NOX5: variants seen among roughly 807,000 people sequenced by gnomAD.
NOX5 encodes NADPH oxidase, EF-hand calcium binding domain 5.
NOX5 carries 76 observed loss-of-function variants against 85.7 expected under a neutral mutation model. The ratio of observed to expected loss-of-function variants is 0.89; its 90% CI spans 0.74 to 1.07. NOX5 has a LOEUF of 1.07. Among genes scored for constraint, NOX5 ranks in the 50% least tolerant of loss-of-function variants. The pLI is 0.00. For missense variants in NOX5, 973 were observed against 999.5 expected, an observed-to-expected ratio of 0.97 and a Z score of 0.36; for synonymous variants, 405 against 401.4, an observed-to-expected ratio of 1.01 and a Z score of -0.11.
At chr15:69,036,936 G>A (rs751622963) in intron 7 of NOX5, 92 bp from the exon 8 acceptor site, 11 of 1,013,290 alleles carry the variant, frequency 1.1e-5, no homozygotes, top group Non-Finnish European at 1.7e-5. Flanking sequence ...TCTGAGCACT[G>A]CCCTGGCTTT....
intron 1 of NOX5, among the ~76,000 whole-genome samples, chr15:69,021,657 A>G (rs539451161): frequency 1.3e-5 from 2 of 152,302 alleles, no homozygotes; most frequent in East Asian, 3.9e-4. Flanking sequence ...TGGTCCATTC[A>G]GATTGTTACC....
At chr15:69,032,905 T>C in intron 4 of NOX5, 138 bp from the exon 5 acceptor site, 1 of 1,211,188 alleles carries the variant, frequency 8.3e-7, no homozygotes, top group Non-Finnish European at 1.1e-6. Context: ...CCACTTGACC[T>C]CTCTGTTTCC....
intron 2 of NOX5, among the ~76,000 whole-genome samples, chr15:69,027,532 G>T (rs967282852): frequency 6.6e-6 from 1 of 151,994 alleles, no homozygotes. Context: ...AGCTCCACAG[G>T]GTCCTCCCCC....
intron 10 of NOX5, among the ~76,000 whole-genome samples, chr15:69,045,598 C>CT (rs752367580): frequency 1.7e-4 from 18 of 108,182 alleles, no homozygotes; most frequent in South Asian, 1.5e-3. Context: ...TTCTTTCTTT[C>CT]TTTTTTTTTT....
At chr15:69,042,839 G>A in intron 10 of NOX5, 34 bp downstream of exon 10, 2 of 1,602,080 alleles carry the variant, frequency 1.2e-6, no homozygotes. Flanking sequence ...GGTCCACTCT[G>A]CTGGCAAGTC....
chr15:69,028,834 C>CT (rs11424976), intron 3 of NOX5: 67,925 of 146,360 alleles, frequency 0.46, 16,495 homozygotes, highest in Non-Finnish European at 0.56. Context: ...CGCCACACAC[C>CT]TTTTTTTTTT....
At chr15:69,044,045 G>A (rs754868634) in intron 10 of NOX5, among the ~76,000 whole-genome samples, 4 of 152,072 alleles carry the variant, frequency 2.6e-5, no homozygotes, top group Admixed American at 1.3e-4. Context: ...TTAGCCAGGC[G>A]TGGTGGTGCG....
Position 69,032,551 on chromosome 15 carries a change from T to C in NOX5, c.621-492T>C, listed in dbSNP as rs557103445. 2.0e-5 allele frequency among the ~76,000 whole-genome samples: 3 copies of C among 152,094 alleles called. No homozygotes were observed. The East Asian group carries it at 5.8e-4, about 30-fold the overall frequency. ...TCATCCTCCCGAGTAGCTGGTATTA[T>C]AGGTGCCAGCCACCACGCCCAGCTA... On this transcript the variant is annotated intron_variant, in intron 4 of 15. Coordinates refer to ENST00000388866, the MANE Select transcript of NOX5 (RefSeq NM_024505.4).
At chr15:69,050,804 G>A (rs71402295) in intron 14 of NOX5, among the ~76,000 whole-genome samples, 165 of 152,288 alleles carry the variant, frequency 1.1e-3, no homozygotes, top group Non-Finnish European at 1.8e-3. Context: ...GTCTAGAGCA[G>A]CCTTTAGTGC....
rs1567100650 is a variant in NOX5 at position 69,037,059 on chromosome 15, T to G, written c.1220T>G (p.Leu407Arg). The G allele has an allele frequency of 9.3e-6, 15 of 1,613,644 alleles. No homozygotes were observed. The highest frequency in any genetic ancestry group is 1.3e-5 in the Non-Finnish European group (15 of 1,179,894). The change falls in exon 8 of 16, where the codon CTC becomes CGC. Residue 407 changes from leucine (L) to arginine (R), a missense_variant. Physicochemically the swap from Leu to Arg is moderately radical, Grantham distance 102. Coordinates refer to ENST00000388866, the MANE Select transcript of NOX5 (RefSeq NM_024505.4). ...TATTGGACTCACCTGTCCTACCTCCTCGTGTGGCTTCTGCTCATCTTTCAT... is the reference window on the plus strand; with the variant it reads ...TATTGGACTCACCTGTCCTACCTCCGCGTGTGGCTTCTGCTCATCTTTCAT... ...VFYWTHLSYL[L>R]VWLLLIFHGP...
intron 1 of NOX5, chr15:69,023,423 CT>C: frequency 2.4e-6 from 1 of 414,928 alleles, no homozygotes; most frequent in South Asian, 2.0e-5. Context: ...CACAACCATA[CT>C]GAGGCTGATT....
intron 3 of NOX5, chr15:69,031,303 T>G: frequency 1.7e-6 from 1 of 576,628 alleles, no homozygotes; most frequent in Non-Finnish European, 3.1e-6. Flanking sequence ...ACTTAGGGAG[T>G]TACCGATTCT....
intron 10 of NOX5, among the ~76,000 whole-genome samples, chr15:69,045,498 C>T (rs1234515208): frequency 1.5e-5 from 2 of 132,716 alleles, no homozygotes; most frequent in African/African-American, 2.9e-5. Flanking sequence ...TCCTCCCTCC[C>T]TCCCTCTCCC....
At chr15:69,034,410 T>C (rs947254578) in intron 5 of NOX5, among the ~76,000 whole-genome samples, 1 of 152,228 alleles carries the variant, frequency 6.6e-6, no homozygotes, top group Non-Finnish European at 1.5e-5. Flanking sequence ...AAAGACTTCA[T>C]TCCAGGAGTG....
At chr15:69,039,489 G>A (rs1443378399) in intron 9 of NOX5, among the ~76,000 whole-genome samples, 2 of 152,202 alleles carry the variant, frequency 1.3e-5, no homozygotes, top group African/African-American at 2.4e-5. Context: ...TTAGAGCTAG[G>A]ATGGGACTAA....
intron 3 of NOX5, chr15:69,031,242 T>A: frequency 2.0e-6 from 1 of 502,946 alleles, no homozygotes; most frequent in Non-Finnish European, 3.5e-6. Flanking sequence ...CCCTTATAGA[T>A]TAAGTAAGCA....
chr15:69,056,797 A>G lies in NOX5; in HGVS notation c.*101A>G, dbSNP rs1567110642. The G allele has an allele frequency of 3.4e-6, 5 of 1,451,002 alleles. No individual in the cohort carries two copies. In the Admixed American group the frequency reaches 6.5e-5, roughly 19 times the overall value. The allele number at this position is 1,451,002 out of a possible 1,614,324, so 89.9% of individuals were successfully genotyped here. A position where few individuals can be genotyped will look rare whatever the true frequency, so the allele number is the denominator to read the frequency against. On this transcript the variant is annotated 3_prime_UTR_variant, in exon 16 of 16. Coordinates refer to ENST00000388866, the MANE Select transcript of NOX5 (RefSeq NM_024505.4). Reference sequence around the variant, plus strand: ...GGACCAGCCTCAGATGACCCACCCAATAAGACAAAGCCTAGGGACCCCCTA... The same window carrying G: ...GGACCAGCCTCAGATGACCCACCCAGTAAGACAAAGCCTAGGGACCCCCTA...
At position 69,032,961 on chromosome 15, in the gene NOX5, G is replaced by A. The variant is rs1026168051; in HGVS notation, c.621-82G>A. 1.7e-5 allele frequency: 26 copies of A among 1,504,314 alleles called. No individual in the cohort carries two copies. In the East Asian group the frequency reaches 5.4e-4, roughly 31 times the overall value. The allele number at this position is 1,504,314 out of a possible 1,614,324, so 93.2% of individuals were successfully genotyped here. On this transcript the variant is annotated intron_variant, in intron 4 of 15. Transcript: ENST00000388866. Reference sequence around the variant, plus strand: ...TGCTTGCCAGACTTGGTCGGCCATAGCTTGAAGGGGGTCTTTAAGTTAAGA... The same window carrying A: ...TGCTTGCCAGACTTGGTCGGCCATAACTTGAAGGGGGTCTTTAAGTTAAGA...
rs1250748593 is a variant in NOX5, at chr15:69,014,757, G to T, written c.22G>T (p.Ala8Ser). The T allele has an allele frequency of 6.4e-7, 1 of 1,550,516 alleles. No individual in the cohort carries two copies. The highest frequency in any genetic ancestry group is 2.0e-5 in the Admixed American group (1 of 51,002). ...GAAGATGAACACATCTGGAGACCCA[G>T]CCCAGACGGGCCCTGAAGGCTGTAG... is the stretch of plus-strand genomic sequence containing the variant. MNTSGDP[A>S]QTGPEGCRGT... The change falls in exon 1 of 16, where the codon GCC (alanine) becomes TCC (serine). Residue 8 changes from alanine (A) to serine (S), a missense_variant. Coordinates refer to ENST00000388866, the MANE Select transcript of NOX5 (RefSeq NM_024505.4).
Sources: gnomAD v4.1 joint callset for allele counts (sites outside exome capture counted in the v4.1 genomes callset) on GRCh38, gnomAD v4.1.1 for gene constraint, MANE v1.5 for transcripts, NCBI Gene and HGNC (gene_info 2026-07-23, HGNC 2026-07-21) for gene names.